Variants in AXIN1 observed in about 807,000 individuals in gnomAD.
AXIN1 encodes the protein axin 1.
A neutral mutation model predicts 76.4 loss-of-function variants in AXIN1; 30 were observed. That is an observed-to-expected ratio of 0.39 (90% CI 0.29 to 0.53). The LOEUF (loss-of-function observed/expected upper bound fraction) is 0.53. AXIN1 is among the 20% of genes least tolerant of loss of function. AXIN1 has a pLI of 0.66. For synonymous variants in AXIN1, 545 were observed against 501.4 expected, an observed-to-expected ratio of 1.09 and a Z score of -1.16; for missense variants, 1,140 against 1,198.8, an observed-to-expected ratio of 0.95 and a Z score of 0.72.
In AXIN1 at chr16:339,505, C is replaced by T. The variant is rs1450379416; in HGVS notation, c.878+6643G>A. 2.0e-4 allele frequency among the ~76,000 whole-genome samples: 25 copies of T among 124,060 alleles called. No individual in the cohort carries two copies. The Admixed American group carries it at 2.1e-3, about 10-fold the overall frequency. The allele number at this position is 124,060 out of a possible 152,430, so 81.4% of individuals were successfully genotyped here. A position where few individuals can be genotyped will look rare whatever the true frequency, so the allele number is the denominator to read the frequency against. ...CAGCCTTGGCGATAGAGCGAGACTC[C>T]ATCTCAAAAAAAAAAAAAAAAAAAA... On this transcript the variant is annotated intron_variant, in intron 2 of 10. Transcript: ENST00000262320.
intron 6 of AXIN1, 29 bp from the exon 7 acceptor site, chr16:297,255 T>G (rs781679878): frequency 4.4e-6 from 7 of 1,600,822 alleles, no homozygotes; most frequent in African/African-American, 2.7e-5. Context: ...CGAGTCGCCC[T>G]GGCCTCCGGT....
intron 4 of AXIN1, among the ~76,000 whole-genome samples, chr16:307,948 T>A (rs1239368985): frequency 6.6e-6 from 1 of 152,222 alleles, no homozygotes; most frequent in Admixed American, 6.5e-5. Flanking sequence ...CACTTGGGCC[T>A]CTGGCTGAGG....
intron 2 of AXIN1, among the ~76,000 whole-genome samples, chr16:342,585 G>T (rs1028204825): frequency 1.3e-5 from 2 of 152,194 alleles, no homozygotes; most frequent in Non-Finnish European, 2.9e-5. Context: ...GTCTGTCTGG[G>T]TGGAGAACCC....
intron 3 of AXIN1, among the ~76,000 whole-genome samples, chr16:311,992 C>G (rs898836709): frequency 2.0e-5 from 3 of 152,334 alleles, no homozygotes; most frequent in South Asian, 2.1e-4. Context: ...GAGTCCAGGT[C>G]TGGCTCAGCC....
At chr16:296,100 C>CA (rs1198898117) in intron 7 of AXIN1, among the ~76,000 whole-genome samples, 1 of 152,198 alleles carries the variant, frequency 6.6e-6, no homozygotes, top group Admixed American at 6.5e-5. Context: ...ACCCCCTCTA[C>CA]AAAAAATGAG....
intron 7 of AXIN1, among the ~76,000 whole-genome samples, chr16:295,001 T>TTGCA (rs1323435401): frequency 6.7e-6 from 1 of 148,632 alleles, no homozygotes; most frequent in East Asian, 2.0e-4. Flanking sequence ...GAGGCGAGGC[T>TTGCA]TGCAGTGAGC....
intron 1 of AXIN1, among the ~76,000 whole-genome samples, chr16:350,572 T>C (rs1389461944): frequency 6.6e-6 from 1 of 152,232 alleles, no homozygotes; most frequent in Non-Finnish European, 1.5e-5. Context: ...GACATTTTGA[T>C]TTACATGGAG....
chr16:323,502 C>T (rs922149118), intron 2 of AXIN1, among the ~76,000 whole-genome samples: 1 of 150,710 alleles, frequency 6.6e-6, no homozygotes, highest in Non-Finnish European at 1.5e-5. Context: ...ACAAAACAGG[C>T]GGGGCACGGT....
intron 1 of AXIN1, among the ~76,000 whole-genome samples, chr16:351,609 C>CAAA (rs3073808): frequency 0.056 from 8,032 of 144,380 alleles, 279 homozygotes; most frequent in Middle Eastern, 0.1. Flanking sequence ...GACTCCGTCT[C>CAAA]AAAAAAAAAA....
intron 5 of AXIN1, 141 bp downstream of exon 5, chr16:304,162 CA>C (rs2052951492): frequency 7.1e-7 from 1 of 1,402,624 alleles, no homozygotes; most frequent in Non-Finnish European, 9.8e-7. Context: ...GAAAGGGGAA[CA>C]GGGGACTCAG....
At chr16:307,914 G>A (rs1287681573) in intron 4 of AXIN1, among the ~76,000 whole-genome samples, 1 of 152,242 alleles carries the variant, frequency 6.6e-6, no homozygotes, top group Non-Finnish European at 1.5e-5. Context: ...GCCCCGGGCA[G>A]CTGTGCCCGT....
At chr16:349,463 C>T (rs2054099959) in intron 1 of AXIN1, among the ~76,000 whole-genome samples, 1 of 152,188 alleles carries the variant, frequency 6.6e-6, no homozygotes, top group Non-Finnish European at 1.5e-5. Flanking sequence ...CTGAGCCTTA[C>T]CACTATAGAT....
chr16:351,212 G>T (rs556933995), intron 1 of AXIN1, among the ~76,000 whole-genome samples: 149 of 151,972 alleles, frequency 9.8e-4, no homozygotes, highest in African/African-American at 3.5e-3. Flanking sequence ...TCCAAAATAG[G>T]GCCTGTGGAT....
At chr16:290,059 G>A in intron 9 of AXIN1, 1 of 257,846 alleles carries the variant, frequency 3.9e-6, no homozygotes, top group Admixed American at 5.1e-5. Flanking sequence ...CTGGGGCGGG[G>A]GTGGCCAGCA....
rs778480990 is a variant in AXIN1 at position 297,734 on chromosome 16, C to G, written c.1772G>C (p.Gly591Ala). Residue 591 changes from glycine (G) to alanine (A), a missense_variant, in exon 6 of 11, where the codon GGC (glycine) becomes GCC (alanine). Around this residue, in one of 3 missense-constraint regions of AXIN1, gnomAD observed 429 missense variants for 405.8 expected, o/e 1.06. Coordinates refer to ENST00000262320, the MANE Select transcript of AXIN1 (RefSeq NM_003502.4). Reference protein sequence around the residue: ...SVGAAPNASDGLAHSGKVGVA... With the variant: ...SVGAAPNASDALAHSGKVGVA... ...GGCGCACGCTCACCTGTGGGCGAGG[C>G]CATCACTGGCGTTGGGGGCAGCGCC... 1.9e-6 allele frequency: 3 copies of G among 1,598,530 alleles called. No homozygotes were observed. In the South Asian group the frequency reaches 3.3e-5, roughly 18 times the overall value.
intron 4 of AXIN1, 80 bp downstream of exon 4, chr16:309,893 G>A (rs1196330998): frequency 1.4e-6 from 2 of 1,419,536 alleles, no homozygotes; most frequent in African/African-American, 1.4e-5. Flanking sequence ...CCAGGCAAGT[G>A]CCTTTCCCGC....
intron 1 of AXIN1, among the ~76,000 whole-genome samples, chr16:348,721 T>C (rs2054082462): frequency 6.6e-6 from 1 of 152,150 alleles, no homozygotes; most frequent in Non-Finnish European, 1.5e-5. Flanking sequence ...GAGGATCACT[T>C]GACCCAGGAG....
In AXIN1 at chr16:297,934, C is replaced by T. The variant is rs1291478252; in HGVS notation, c.1572G>A (p.Leu524=). ...GGTGGTGGTGCAGGCCGGCCGCGTCCAGCTTCGCCCCTGACTTGGGTACGT... is the reference window on the plus strand; with the variant it reads ...GGTGGTGGTGCAGGCCGGCCGCGTCTAGCTTCGCCCCTGACTTGGGTACGT... ...GKHVPKSGAK[L]DAAGLHHHRH... The change falls in exon 6 of 11, where the codon CTG becomes CTA. Residue 524 remains leucine (L), a synonymous_variant. Transcript: ENST00000262320. 1 of 1,600,892 alleles carries T rather than the reference C, an allele frequency of 6.2e-7. No homozygotes were observed. The highest frequency in any genetic ancestry group is 1.7e-5 in the Admixed American group (1 of 59,750).
chr16:289,852 C>A, intron 9 of AXIN1: 1 of 586,634 alleles, frequency 1.7e-6, no homozygotes, highest in Admixed American at 2.9e-5. Flanking sequence ...CAGCCCCACC[C>A]TCGACTGGCC....
Sources: allele counts gnomAD v4.1 joint callset (sites outside exome capture counted in the v4.1 genomes callset), GRCh38; gene constraint gnomAD v4.1.1; regional missense constraint gnomAD v4.1.1; transcripts MANE v1.5; gene names NCBI Gene and HGNC (gene_info 2026-07-23, HGNC 2026-07-21).